The following BRD9 variants were observed in gnomAD, a reference collection of about 807,000 sequenced individuals.
BRD9 encodes the protein bromodomain-containing protein 9.
BRD9 carries 47 observed loss-of-function variants against 68.7 expected under a neutral mutation model. That is an observed-to-expected ratio of 0.68 (90% confidence interval 0.54 to 0.87). BRD9 has a LOEUF of 0.87. Among genes scored for constraint, BRD9 ranks in the 40% least tolerant of loss-of-function variants. BRD9 has a pLI of 0.00. For missense variants in BRD9, 670 were observed against 748.4 expected (o/e 0.90, Z 1.22); for synonymous variants, 313 against 293.9 (o/e 1.06, Z -0.67).
chr5:865,820 C>G, intron 14 of BRD9: 1 of 505,700 alleles, frequency 2.0e-6, no homozygotes, highest in South Asian at 2.9e-5. Context: ...AAGCATCAGA[C>G]AAGACCTAGC....
chr5:884,181 A>T, intron 7 of BRD9, 111 bp from the exon 8 acceptor site: 3 of 1,366,084 alleles, frequency 2.2e-6, no homozygotes, highest in African/African-American at 1.4e-5. Context: ...TCAGACACAG[A>T]GCTGGCAGAG....
At chr5:877,706 C>A (rs965281524) in intron 11 of BRD9, among the ~76,000 whole-genome samples, 6 of 152,176 alleles carry the variant, frequency 3.9e-5, no homozygotes, top group Non-Finnish European at 5.9e-5. Flanking sequence ...ATTGTATCTC[C>A]CGCTCAGAGT....
Position 889,679 on chromosome 5 carries a change from A to G in BRD9, c.401-32T>C, listed in dbSNP as rs539637593. 2.5e-6 allele frequency: 4 copies of G among 1,608,160 alleles called. No individual in the cohort carries two copies. The Admixed American group carries it at 5.0e-5, about 20-fold the overall frequency. On this transcript the variant is annotated intron_variant, in intron 3 of 15. Coordinates refer to ENST00000467963, the MANE Select transcript of BRD9 (RefSeq NM_023924.5). Reference sequence around the variant, plus strand: ...ATTTAAGGAAAAAAAAATTGAATACAAGACTTTGGTATCCCTTCATTAGAG... The same window carrying G: ...ATTTAAGGAAAAAAAAATTGAATACGAGACTTTGGTATCCCTTCATTAGAG...
intron 14 of BRD9, chr5:869,391 G>T (rs1030246220): frequency 4.4e-6 from 2 of 455,012 alleles, no homozygotes; most frequent in Non-Finnish European, 8.8e-6. Context: ...ATAGATGGCA[G>T]GCCCTGAAAG....
intron 7 of BRD9, among the ~76,000 whole-genome samples, chr5:886,025 C>G (rs1334542551): frequency 2.0e-5 from 3 of 152,202 alleles, no homozygotes; most frequent in Admixed American, 1.3e-4. Context: ...TCGGCTGCTC[C>G]CTGTGGGAGG....
chr5:880,572 G>A (rs551549559), intron 9 of BRD9, among the ~76,000 whole-genome samples: 6 of 152,120 alleles, frequency 3.9e-5, no homozygotes, highest in Non-Finnish European at 7.4e-5. Flanking sequence ...GCGAGCCCGC[G>A]AGTGCGTTTC....
intron 11 of BRD9, among the ~76,000 whole-genome samples, chr5:877,605 A>G (rs978588419): frequency 6.6e-6 from 1 of 152,224 alleles, no homozygotes; most frequent in Non-Finnish European, 1.5e-5. Flanking sequence ...TTTGCCACAG[A>G]AAACAAAAAA....
intron 6 of BRD9, 46 bp from the exon 7 acceptor site, chr5:886,753 A>G (rs1465530824): frequency 1.2e-6 from 2 of 1,613,150 alleles, no homozygotes; most frequent in Middle Eastern, 1.7e-4. Context: ...TGCGCTTCAA[A>G]GCTAACAGCC....
chr5:883,529 C>A, intron 8 of BRD9: 1 of 430,854 alleles, frequency 2.3e-6, no homozygotes, highest in Admixed American at 2.6e-5. Flanking sequence ...CACGTGAACA[C>A]AGTCGGTGGC....
Position 865,454 on chromosome 5 carries a change from G to A in BRD9, c.1653C>T (p.Ser551=). ...RGGSRPSSNL[S]SLSNASERDQ... is the part of the protein sequence containing the mutation. Reference sequence around the variant, plus strand: ...CCCTCTCGGAGGCGTTGGACAGGGAGCTGAGGTTGGACGACGGCCGAGAGC... The same window carrying A: ...CCCTCTCGGAGGCGTTGGACAGGGAACTGAGGTTGGACGACGGCCGAGAGC... The change falls in exon 15 of 16, where the codon AGC becomes AGT. Residue 551 remains serine (S), a synonymous_variant. Coordinates refer to ENST00000467963, the MANE Select transcript of BRD9 (RefSeq NM_023924.5). 6.3e-7 allele frequency: 1 copy of A among 1,597,520 alleles called. No individual in the cohort carries two copies. The highest frequency in any genetic ancestry group is 1.1e-5 in the South Asian group (1 of 90,690).
intron 12 of BRD9, among the ~76,000 whole-genome samples, chr5:874,746 G>A (rs530670449): frequency 5.3e-5 from 8 of 152,350 alleles, no homozygotes; most frequent in South Asian, 4.1e-4. Flanking sequence ...TGAGCAGCGC[G>A]GGACGACATC....
intron 12 of BRD9, among the ~76,000 whole-genome samples, chr5:875,563 T>G (rs996312785): frequency 2.6e-5 from 4 of 152,186 alleles, no homozygotes; most frequent in Non-Finnish European, 5.9e-5. Context: ...TTAGCCAGGA[T>G]GGTCTCGACC....
chr5:887,103 T>A (rs559033304), intron 6 of BRD9, among the ~76,000 whole-genome samples: 1 of 152,318 alleles, frequency 6.6e-6, no homozygotes, highest in South Asian at 2.1e-4. Flanking sequence ...CTGGCTGCCA[T>A]CCAGCAAGAC....
At chr5:887,711 G>C (rs1047941989) in intron 5 of BRD9, among the ~76,000 whole-genome samples, 7 of 152,204 alleles carry the variant, frequency 4.6e-5, no homozygotes, top group Admixed American at 4.6e-4. Flanking sequence ...TTCTTTCTAA[G>C]CATCACATAC....
chr5:869,151 T>C (rs976014453), intron 14 of BRD9: 1 of 349,242 alleles, frequency 2.9e-6, no homozygotes, highest in African/African-American at 2.2e-5. Flanking sequence ...CTAAGCCCCA[T>C]GGACTGAACG....
chr5:892,081 C>T (rs1366238580), intron 1 of BRD9: 9 of 639,298 alleles, frequency 1.4e-5, no homozygotes, highest in Non-Finnish European at 2.1e-5. Context: ...GCCACGGTGT[C>T]CTCACCAGAG....
At chr5:865,698 G>A in intron 14 of BRD9, 117 bp from the exon 15 acceptor site, 1 of 1,184,854 alleles carries the variant, frequency 8.4e-7, no homozygotes, top group Non-Finnish European at 1.2e-6. Context: ...TAATTGCTCT[G>A]GAAACTGAGT....
At chr5:878,244 G>A (rs894463364) in intron 11 of BRD9, 111 bp downstream of exon 11, 14 of 1,483,236 alleles carry the variant, frequency 9.4e-6, no homozygotes, top group African/African-American at 5.6e-5. Flanking sequence ...CCATATGGAC[G>A]GCTGCAAGAT....
chr5:869,486 C>T (rs1354235466), intron 14 of BRD9: 1 of 397,972 alleles, frequency 2.5e-6, no homozygotes, highest in Non-Finnish European at 5.0e-6. Context: ...GAAAAATCTA[C>T]ATTCTGTAGA....
Sources: gnomAD v4.1 joint callset for allele counts (sites outside exome capture counted in the v4.1 genomes callset) on GRCh38, gnomAD v4.1.1 for gene constraint, MANE v1.5 for transcripts, NCBI Gene and HGNC (gene_info 2026-07-23, HGNC 2026-07-21) for gene names.